The following XYLT1 variants were observed in gnomAD, a reference collection of about 807,000 sequenced individuals.
The protein encoded by XYLT1 is beta-D-xylosyltransferase 1.
A neutral mutation model predicts 91.3 loss-of-function variants in XYLT1; 36 were observed. That is an observed-to-expected ratio of 0.39 (90% CI 0.30 to 0.52). The LOEUF is 0.52. XYLT1 is among the 20% of genes least tolerant of loss of function. The pLI is 0.68. For synonymous variants in XYLT1, 588 were observed against 532.0 expected (o/e 1.11, Z -1.45); for missense variants, 1,242 against 1,284.5 (o/e 0.97, Z 0.51).
intron 3 of XYLT1, among the ~76,000 whole-genome samples, chr16:17,245,837 C>A (rs768303900): frequency 7.9e-5 from 12 of 152,192 alleles, no homozygotes; most frequent in Non-Finnish European, 1.6e-4. Flanking sequence ...CAACTAGAAA[C>A]TGGCAGAGAA....
At chr16:17,158,176 C>T (rs8061958) in intron 6 of XYLT1, among the ~76,000 whole-genome samples, 67,401 of 152,094 alleles carry the variant, frequency 0.44, 15,910 homozygotes, top group East Asian at 0.83. Flanking sequence ...TGCTGAACTG[C>T]AGAGATGCTA....
intron 3 of XYLT1, chr16:17,251,532 G>A (rs567439158): frequency 6.6e-6 from 1 of 152,380 alleles, no homozygotes; most frequent in East Asian, 1.9e-4. Flanking sequence ...CCAGCAAAGG[G>A]GAAGAAATGC....
At chr16:17,279,078 C>A (rs1348136411) in intron 2 of XYLT1, among the ~76,000 whole-genome samples, 1 of 152,224 alleles carries the variant, frequency 6.6e-6, no homozygotes, top group Non-Finnish European at 1.5e-5. Context: ...CTCCCTAATG[C>A]ACCTTTCAGC....
chr16:17,180,956 G>T (rs550876600), intron 5 of XYLT1, among the ~76,000 whole-genome samples: 7 of 152,300 alleles, frequency 4.6e-5, no homozygotes, highest in African/African-American at 1.7e-4. Context: ...ACCAGGGGAG[G>T]GTCAGAGGCA....
At chr16:17,317,491 G>A (rs776942477) in intron 2 of XYLT1, among the ~76,000 whole-genome samples, 14 of 151,376 alleles carry the variant, frequency 9.2e-5, no homozygotes, top group Non-Finnish European at 1.9e-4. Context: ...AACTTAGCTG[G>A]GTATGGTAGC....
chr16:17,461,498 C>T (rs1280794040), intron 1 of XYLT1, among the ~76,000 whole-genome samples: 1 of 152,180 alleles, frequency 6.6e-6, no homozygotes, highest in Non-Finnish European at 1.5e-5. Context: ...CTGGTACCTT[C>T]TAACTGCAGG....
At chr16:17,420,364 A>G (rs150395185) in intron 1 of XYLT1, among the ~76,000 whole-genome samples, 23 of 152,372 alleles carry the variant, frequency 1.5e-4, no homozygotes, top group African/African-American at 5.5e-4. Context: ...ATTAGCAATA[A>G]TGGCTCAATG....
chr16:17,306,557 G>T (rs960391826), intron 2 of XYLT1, among the ~76,000 whole-genome samples: 4 of 146,470 alleles, frequency 2.7e-5, no homozygotes, highest in Admixed American at 6.8e-5. Flanking sequence ...TGTCACAAAA[G>T]ATATATATAT....
chr16:17,272,262 A>C (rs1212807693), intron 2 of XYLT1, among the ~76,000 whole-genome samples: 2 of 149,692 alleles, frequency 1.3e-5, no homozygotes, highest in Non-Finnish European at 3.0e-5. Flanking sequence ...CCAAGGTTCA[A>C]CAAAATCCTC....
intron 2 of XYLT1, among the ~76,000 whole-genome samples, chr16:17,308,405 C>G (rs1413384573): frequency 1.3e-5 from 2 of 152,164 alleles, no homozygotes; most frequent in Non-Finnish European, 2.9e-5. Flanking sequence ...AGTCCAACAC[C>G]AGGCACAGGA....
intron 1 of XYLT1, among the ~76,000 whole-genome samples, chr16:17,451,390 G>C (rs2036664274): frequency 6.6e-6 from 1 of 152,094 alleles, no homozygotes; most frequent in Non-Finnish European, 1.5e-5. Context: ...ATGTCACCTT[G>C]TTGGAAAAGC....
In XYLT1 at chr16:17,439,186, G is replaced by A. The variant is rs556957978; in HGVS notation, c.363+31248C>T. Among the ~76,000 whole-genome samples the A allele has an allele frequency of 2.6e-5, 4 of 152,302 alleles. 1 individual carries two copies. In the South Asian group the frequency reaches 8.3e-4, roughly 32 times the overall value. Reference sequence around the variant, plus strand: ...CAAGTATGGCAGGCACATGGCATACGTGGCACAATTTCTTCCTCCTGCATC... The same window carrying A: ...CAAGTATGGCAGGCACATGGCATACATGGCACAATTTCTTCCTCCTGCATC... On this transcript the variant is annotated intron_variant, in intron 1 of 11. Coordinates refer to ENST00000261381, the MANE Select transcript of XYLT1 (RefSeq NM_022166.4).
intron 8 of XYLT1, among the ~76,000 whole-genome samples, chr16:17,136,985 G>T (rs932391349): frequency 6.6e-6 from 1 of 152,042 alleles, no homozygotes; most frequent in Non-Finnish European, 1.5e-5. Flanking sequence ...CCAAACATGG[G>T]AATTCATTGA....
intron 3 of XYLT1, among the ~76,000 whole-genome samples, chr16:17,234,691 TG>T (rs1434075308): frequency 7.4e-6 from 1 of 135,110 alleles, no homozygotes; most frequent in Non-Finnish European, 1.6e-5. Context: ...CTGAGCCATG[TG>T]ATAAAATAAA....
At position 17,281,114 on chromosome 16, in the gene XYLT1, G is replaced by A. The variant is rs1008294074; in HGVS notation, c.403-21616C>T. On this transcript the variant is annotated intron_variant, in intron 2 of 11. Transcript: ENST00000261381. ...GCTTTGGGTACCTGCTGTGAATCAAGGTCACTCCTGCTCAGAGGCCAGGTG... is the reference window on the plus strand; with the variant it reads ...GCTTTGGGTACCTGCTGTGAATCAAAGTCACTCCTGCTCAGAGGCCAGGTG... 2.6e-4 allele frequency among the ~76,000 whole-genome samples: 40 copies of A among 152,206 alleles called. 3 individuals carry two copies. The highest frequency in any genetic ancestry group is 2.9e-5 in the Non-Finnish European group (2 of 68,036).
chr16:17,138,193 TA>T, intron 8 of XYLT1, 161 bp downstream of exon 8: 3 of 786,164 alleles, frequency 3.8e-6, no homozygotes, highest in Non-Finnish European at 5.8e-6. Context: ...AAGTGCTCAA[TA>T]AACACTGGCT....
intron 1 of XYLT1, among the ~76,000 whole-genome samples, chr16:17,373,344 C>T (rs1459054890): frequency 1.3e-5 from 2 of 152,216 alleles, no homozygotes; most frequent in African/African-American, 4.8e-5. Flanking sequence ...TGTGCCTCAA[C>T]CTAGGCTTGA....
intron 2 of XYLT1, among the ~76,000 whole-genome samples, chr16:17,311,957 C>T (rs1307086468): frequency 1.3e-5 from 2 of 152,154 alleles, no homozygotes; most frequent in African/African-American, 4.8e-5. Flanking sequence ...ATTCAGTTAT[C>T]TCCCACTGGG....
At chr16:17,143,996 C>T (rs955934632) in intron 6 of XYLT1, among the ~76,000 whole-genome samples, 2 of 152,214 alleles carry the variant, frequency 1.3e-5, no homozygotes, top group African/African-American at 4.8e-5. Context: ...TGAGCATTAT[C>T]ATTACAAGGG....
Sources: allele counts gnomAD v4.1 joint callset (sites outside exome capture counted in the v4.1 genomes callset), GRCh38; gene constraint gnomAD v4.1.1; transcripts MANE v1.5; gene names NCBI Gene and HGNC (gene_info 2026-07-23, HGNC 2026-07-21).